Variants in CHSY1 observed in about 807,000 individuals in gnomAD.
CHSY1 encodes the protein chondroitin sulfate synthase 1, also known as N-acetylgalactosaminyl-proteoglycan 3-beta-glucuronosyltransferase 1.
A neutral mutation model predicts 59.8 loss-of-function variants in CHSY1; 13 were observed. That is an observed-to-expected ratio of 0.22 (90% CI 0.14 to 0.35). The LOEUF (loss-of-function observed/expected upper bound fraction) is 0.35, where lower values mean the gene tolerates loss of function less well. Among genes scored for constraint, CHSY1 ranks in the 10% least tolerant of loss-of-function variants. The pLI is 1.00. For synonymous variants in CHSY1, 459 were observed against 401.2 expected (o/e 1.14, Z -1.72); for missense variants, 947 against 1,030.6 (o/e 0.92, Z 1.11).
intron 2 of CHSY1, among the ~76,000 whole-genome samples, chr15:101,208,339 A>C (rs2141258901): frequency 6.6e-6 from 1 of 152,316 alleles, no homozygotes; most frequent in African/African-American, 2.4e-5. Flanking sequence ...CTGCAAGGCT[A>C]GGGCAGGGAA....
intron 2 of CHSY1, among the ~76,000 whole-genome samples, chr15:101,214,949 C>CT: frequency 6.6e-6 from 1 of 152,334 alleles, no homozygotes; most frequent in East Asian, 1.9e-4. Context: ...GTGCTGTTCT[C>CT]TTGACAGTGA....
At position 101,178,632 on chromosome 15, in the gene CHSY1, C is replaced by T; in HGVS notation, c.1165G>A (p.Asp389Asn). Residue 389 changes from aspartate (D) to asparagine (N), a missense_variant, in exon 3 of 3, where the codon GAC (aspartate) becomes AAC (asparagine). Asp to Asn is a conservative substitution (Grantham distance 23). Around this residue, in one of 4 missense-constraint regions of CHSY1, gnomAD observed 602 missense variants for 676.9 expected, o/e 0.89. Transcript: ENST00000254190. ...ATTCCTCTTCGAGGGGGCTGGCCGT[C>T]AACTGCCGAATACAAGTATTTTCCA... ...LTGKYLYSAV[D>N]GQPPRRGMDS... 1 of 1,614,254 alleles carries T rather than the reference C, an allele frequency of 6.2e-7. No individual in the cohort carries two copies. Among genetic ancestry groups the T allele is most frequent in the South Asian group, 1.1e-5 (1 of 91,088 alleles).
rs193216295 is a variant in CHSY1, at chr15:101,191,589, C to A, written c.817-12609G>T. 3.5e-3 allele frequency among the ~76,000 whole-genome samples: 532 copies of A among 152,290 alleles called. 3 individuals are homozygous for A. The highest frequency in any genetic ancestry group is 6.0e-3 in the Non-Finnish European group (408 of 68,028). On this transcript the variant is annotated intron_variant, in intron 2 of 2. Coordinates refer to ENST00000254190, the MANE Select transcript of CHSY1 (RefSeq NM_014918.5). ...GACTTCGGGTGATAATGATATGTCACTGTAGGTTCACCAATTGTAACAAAG... is the reference window on the plus strand; with the variant it reads ...GACTTCGGGTGATAATGATATGTCAATGTAGGTTCACCAATTGTAACAAAG...
intron 2 of CHSY1, among the ~76,000 whole-genome samples, chr15:101,181,042 G>C (rs962551908): frequency 2.7e-4 from 41 of 152,316 alleles, no homozygotes; most frequent in African/African-American, 9.9e-4. Context: ...TGGGGCACTC[G>C]GAGGCACAGC....
Position 101,178,274 on chromosome 15 carries a change from G to A in CHSY1, c.1523C>T (p.Ser508Leu). The A allele has an allele frequency of 6.2e-7, 1 of 1,613,310 alleles. No homozygotes were observed. The highest frequency in any genetic ancestry group is 8.5e-7 in the Non-Finnish European group (1 of 1,179,256). Residue 508 changes from serine to leucine, a missense_variant, in exon 3 of 3, where the codon TCA becomes TTA. This residue lies in a region of CHSY1 where 602 missense variants were observed against 676.9 expected (regional missense o/e 0.89). Transcript: ENST00000254190. ...NQESGSLSFL[S>L]NSLKKLVPFQ... ...GGGGACGAGCTTCTTCAGGGAGTTT[G>A]AGAGAAAGGACAAGGATCCAGATTC...
chr15:101,177,285 G>C lies in CHSY1; in HGVS notation c.*103C>G, dbSNP rs988223352. 8.8e-6 allele frequency: 10 copies of C among 1,138,242 alleles called. No individual in the cohort carries two copies. In the African/African-American group the frequency reaches 1.4e-4, roughly 16 times the overall value. The allele number at this position is 1,138,242 out of a possible 1,614,324, so 70.5% of individuals were successfully genotyped here. On this transcript the variant is annotated 3_prime_UTR_variant, in exon 3 of 3. Coordinates refer to ENST00000254190, the MANE Select transcript of CHSY1 (RefSeq NM_014918.5). ...GGAGTCCTATGTAAGAAAACCACTT[G>C]TAAAATATATCCTTGTATACGGACT...
Position 101,235,711 on chromosome 15 carries a change from T to C in CHSY1, c.321-134A>G, listed in dbSNP as rs2038934671. On this transcript the variant is annotated intron_variant, in intron 1 of 2. Coordinates refer to ENST00000254190, the MANE Select transcript of CHSY1 (RefSeq NM_014918.5). ...AGCTACTTGGCCTGCTTGGTTCCTC[T>C]TAACGAAAGCCCAGGTTACCGCGTA... is the stretch of plus-strand genomic sequence containing the variant. The C allele has an allele frequency of 6.4e-6, 6 of 944,322 alleles. No homozygotes were observed. In the South Asian group the frequency reaches 8.8e-5, roughly 14 times the overall value. 58.5% of individuals were successfully genotyped at this position (944,322 alleles called of 1,614,324 possible).
intron 2 of CHSY1, among the ~76,000 whole-genome samples, chr15:101,231,420 C>A: frequency 6.6e-6 from 1 of 152,266 alleles, no homozygotes; most frequent in South Asian, 2.1e-4. Context: ...TAATTCACAG[C>A]GGAAGCCCAG....
In CHSY1 at chr15:101,177,198, CAAG is replaced by C. The variant is rs1431440350; in HGVS notation, c.*187_*189del. 9 of 548,204 alleles carry C rather than the reference CAAG, an allele frequency of 1.6e-5. No homozygotes were observed. Among genetic ancestry groups the C allele is most frequent in the East Asian group, 3.0e-5 (1 of 33,212 alleles). The allele number at this position is 548,204 out of a possible 1,614,324, so 34.0% of individuals were successfully genotyped here. On this transcript the variant is annotated 3_prime_UTR_variant, in exon 3 of 3. Transcript: ENST00000254190. The stretch of plus-strand genomic sequence containing the variant: ...AGCAGGTCTGCTACATAATGTTCAG[CAAG>C]AAGATGTGTTCAAAGGCAAACACTG...
intron 2 of CHSY1, among the ~76,000 whole-genome samples, chr15:101,218,152 G>A (rs1004945522): frequency 1.3e-5 from 2 of 152,194 alleles, no homozygotes; most frequent in Non-Finnish European, 2.9e-5. Flanking sequence ...AAACCGTCAA[G>A]ATCATCAAAA....
At chr15:101,222,110 A>T (rs1166857111) in intron 2 of CHSY1, among the ~76,000 whole-genome samples, 1 of 152,228 alleles carries the variant, frequency 6.6e-6, no homozygotes, top group Non-Finnish European at 1.5e-5. Flanking sequence ...GCTCTTTGTA[A>T]GGGTTAGAAG....
At chr15:101,219,724 T>G (rs2038770336) in intron 2 of CHSY1, among the ~76,000 whole-genome samples, 4 of 152,122 alleles carry the variant, frequency 2.6e-5, no homozygotes, top group Non-Finnish European at 1.5e-5. Context: ...AGTTTCCCAT[T>G]GTTATACCAG....
intron 2 of CHSY1, among the ~76,000 whole-genome samples, chr15:101,200,137 T>G (rs2038557139): frequency 6.6e-6 from 1 of 152,216 alleles, no homozygotes; most frequent in Non-Finnish European, 1.5e-5. Context: ...ATCCGGGAAC[T>G]AAGATGACAT....
intron 2 of CHSY1, among the ~76,000 whole-genome samples, chr15:101,181,305 T>C (rs1422371142): frequency 6.6e-6 from 1 of 152,238 alleles, no homozygotes; most frequent in Non-Finnish European, 1.5e-5. Flanking sequence ...AAAAGCTAGA[T>C]GACAATTCCG....
intron 1 of CHSY1, among the ~76,000 whole-genome samples, chr15:101,243,057 A>C (rs367838753): frequency 1.3e-5 from 2 of 151,946 alleles, no homozygotes; most frequent in East Asian, 1.9e-4. Context: ...TTTTTTTCTT[A>C]ATTAAGCTGT....
intron 2 of CHSY1, among the ~76,000 whole-genome samples, chr15:101,182,480 G>A (rs749593368): frequency 1.3e-4 from 20 of 152,192 alleles, no homozygotes; most frequent in Non-Finnish European, 2.5e-4. Context: ...AATGAATGCT[G>A]CATCTTAGTC....
intron 1 of CHSY1, among the ~76,000 whole-genome samples, chr15:101,236,322 G>A (rs2038941961): frequency 6.6e-6 from 1 of 152,200 alleles, no homozygotes; most frequent in South Asian, 2.1e-4. Flanking sequence ...GGACCCAGGG[G>A]AAGGTAAGTG....
intron 2 of CHSY1, among the ~76,000 whole-genome samples, chr15:101,183,795 AGTGAG>A (rs2038313580): frequency 6.6e-6 from 1 of 152,328 alleles, no homozygotes; most frequent in Admixed American, 6.5e-5. Context: ...GTTCATAACA[AGTGAG>A]GTCTTTAAAC....
intron 2 of CHSY1, among the ~76,000 whole-genome samples, chr15:101,192,572 A>G (rs1349035985): frequency 2.0e-5 from 3 of 152,184 alleles, no homozygotes; most frequent in African/African-American, 7.2e-5. Flanking sequence ...TTTCAAATAC[A>G]GAAGATCAAT....
Sources: gnomAD v4.1 joint callset for allele counts (sites outside exome capture counted in the v4.1 genomes callset) on GRCh38, gnomAD v4.1.1 for gene constraint, gnomAD v4.1.1 regional missense constraint, MANE v1.5 for transcripts, NCBI Gene and HGNC (gene_info 2026-07-23, HGNC 2026-07-21) for gene names.